Variants in GABRR2 observed in about 807,000 individuals in gnomAD.
GABRR2 encodes the protein gamma-aminobutyric acid receptor subunit rho-2.
A neutral mutation model predicts 47.0 loss-of-function variants in GABRR2; 36 were observed. That is an observed-to-expected ratio of 0.77 (90% confidence interval 0.59 to 1.01). The LOEUF is 1.01. Ranked by LOEUF, GABRR2 falls within the 50% of genes least tolerant of loss-of-function variation. GABRR2 has a pLI of 0.00. For synonymous variants in GABRR2, 204 were observed against 227.5 expected (o/e 0.90, Z 0.93); for missense variants, 587 against 594.6 (o/e 0.99, Z 0.13).
chr6:89,272,745 C>T (rs1053489798), intron 2 of GABRR2, among the ~76,000 whole-genome samples: 5 of 152,100 alleles, frequency 3.3e-5, no homozygotes, highest in Admixed American at 6.5e-5. Flanking sequence ...GTGGTCTGAG[C>T]GGGGAGAACC....
chr6:89,286,362 A>G (rs914558070), intron 2 of GABRR2, among the ~76,000 whole-genome samples: 5 of 152,180 alleles, frequency 3.3e-5, no homozygotes, highest in Non-Finnish European at 7.3e-5. Flanking sequence ...ACTATAACTA[A>G]CAACACTGTA....
intron 2 of GABRR2, among the ~76,000 whole-genome samples, chr6:89,286,323 G>A (rs9444684): frequency 0.012 from 1,804 of 152,270 alleles, 22 homozygotes; most frequent in African/African-American, 0.031. Context: ...AGGTGAGTAC[G>A]TTCTGGTGAT....
chr6:89,287,575 G>T (rs747407833), intron 2 of GABRR2, among the ~76,000 whole-genome samples: 1 of 152,218 alleles, frequency 6.6e-6, no homozygotes, highest in African/African-American at 2.4e-5. Flanking sequence ...CACTGGCTGC[G>T]CTGGCCAGGC....
rs558232145 is a variant in GABRR2, at chr6:89,275,417, G to T, written c.221-3695C>A. On this transcript the variant is annotated intron_variant, in intron 2 of 8. Coordinates refer to ENST00000402938, the MANE Select transcript of GABRR2 (RefSeq NM_002043.5). Reference sequence around the variant, plus strand: ...GCCTCCCAAGTAGCTGGGATTACAGGTGTGCACCACCACACCTGGCTAATT... The same window carrying T: ...GCCTCCCAAGTAGCTGGGATTACAGTTGTGCACCACCACACCTGGCTAATT... Among the ~76,000 whole-genome samples, 101 of 152,168 alleles carry T rather than the reference G, an allele frequency of 6.6e-4. 1 individual carries two copies. The highest frequency in any genetic ancestry group is 7.5e-4 in the Non-Finnish European group (51 of 68,004).
intron 2 of GABRR2, among the ~76,000 whole-genome samples, chr6:89,293,136 C>A (rs1032107224): frequency 6.6e-6 from 1 of 152,008 alleles, no homozygotes; most frequent in Non-Finnish European, 1.5e-5. Flanking sequence ...AAAGGAAATT[C>A]TATCACATAC....
intron 2 of GABRR2, among the ~76,000 whole-genome samples, chr6:89,292,822 T>TATATATCGTATATACG (rs1554198131): frequency 6.1e-5 from 1 of 16,310 alleles, no homozygotes; most frequent in Non-Finnish European, 1.0e-4. Context: ...CGATATATCG[T>TATATATCGTATATACG]ATATATCGTA....
chr6:89,262,028 C>A lies in GABRR2; in HGVS notation c.1086+2384G>T, dbSNP rs1249130128. 2.7e-3 allele frequency among the ~76,000 whole-genome samples: 351 copies of A among 130,438 alleles called. 1 individual carries two copies. The highest frequency in any genetic ancestry group is 8.7e-3 in the African/African-American group (310 of 35,644). The allele number at this position is 130,438 out of a possible 152,430, so 85.6% of individuals were successfully genotyped here. A position where few individuals can be genotyped will look rare whatever the true frequency, so the allele number is the denominator to read the frequency against. On this transcript the variant is annotated intron_variant, in intron 8 of 8. Coordinates refer to ENST00000402938, the MANE Select transcript of GABRR2 (RefSeq NM_002043.5). ...TGGGTGACAGAGTCAGACCCTGTCTCAAAAAAAAAAAAAAAAAATTTGCAG... is the reference window on the plus strand; with the variant it reads ...TGGGTGACAGAGTCAGACCCTGTCTAAAAAAAAAAAAAAAAAAATTTGCAG...
intron 6 of GABRR2, among the ~76,000 whole-genome samples, chr6:89,266,843 C>T (rs1289313385): frequency 6.6e-6 from 1 of 152,084 alleles, no homozygotes; most frequent in Non-Finnish European, 1.5e-5. Context: ...TGAATAGAGA[C>T]AGGGTCTCGC....
At chr6:89,302,550 C>A in intron 1 of GABRR2, 2 of 932,898 alleles carry the variant, frequency 2.1e-6, no homozygotes, top group East Asian at 7.8e-5. Context: ...ACATGGGTGC[C>A]CTTCCCCTGC....
chr6:89,293,824 G>A (rs966276492), intron 2 of GABRR2, among the ~76,000 whole-genome samples: 17 of 152,136 alleles, frequency 1.1e-4, no homozygotes, highest in Non-Finnish European at 2.5e-4. Flanking sequence ...CAGCATTGCA[G>A]CATTTCTCCC....
At chr6:89,287,016 G>T (rs891978070) in intron 2 of GABRR2, among the ~76,000 whole-genome samples, 4 of 152,160 alleles carry the variant, frequency 2.6e-5, no homozygotes, top group Non-Finnish European at 5.9e-5. Flanking sequence ...GAAGACGAGA[G>T]GCAGAGCCAG....
rs369596214 is a variant in GABRR2 at position 89,264,447 on chromosome 6, C to T, written c.1051G>A (p.Val351Met). ...AGCTTCCGTTCCTTGCGCTCCTGCA[C>T]GGTGGTCAGGTAGTTGACAGCCGCA... ...EYAAVNYLTT[V>M]QERKERKLRE... The change falls in exon 8 of 9, where the codon GTG (valine) becomes ATG (methionine). Residue 351 changes from valine (V) to methionine (M), a missense_variant. Transcript: ENST00000402938. 2.9e-5 allele frequency: 46 copies of T among 1,613,892 alleles called. No homozygotes were observed. Among genetic ancestry groups the T allele is most frequent in the Non-Finnish European group, 3.9e-5 (46 of 1,179,956 alleles).
At chr6:89,311,399 T>TAAA (rs1767679789) in intron 1 of GABRR2, among the ~76,000 whole-genome samples, 1 of 152,088 alleles carries the variant, frequency 6.6e-6, no homozygotes, top group African/African-American at 2.4e-5. Flanking sequence ...GGCCCAGAGT[T>TAAA]TTTTTAAGAG....
In GABRR2 at chr6:89,264,620, G is replaced by A. The variant is rs752037524; in HGVS notation, c.890-12C>T. ...CACCGTCGTGATACCTGCAACACCC[G>A]GCCTTAGTTGGGCTGCTGACAGCGG... On this transcript the variant is annotated splice_polypyrimidine_tract_variant and intron_variant, in intron 7 of 8. Coordinates refer to ENST00000402938, the MANE Select transcript of GABRR2 (RefSeq NM_002043.5). The A allele has an allele frequency of 5.5e-5, 89 of 1,613,446 alleles. 2 individuals carry two copies. Among genetic ancestry groups the A allele is most frequent in the South Asian group, 4.7e-4 (43 of 91,014 alleles).
intron 8 of GABRR2, among the ~76,000 whole-genome samples, chr6:89,261,742 G>A (rs1024186659): frequency 1.3e-5 from 2 of 152,058 alleles, no homozygotes; most frequent in African/African-American, 4.8e-5. Context: ...GATAAACAAC[G>A]TTAAAACAAT....
At chr6:89,278,828 T>G (rs1301618842) in intron 2 of GABRR2, among the ~76,000 whole-genome samples, 3 of 152,186 alleles carry the variant, frequency 2.0e-5, no homozygotes, top group African/African-American at 7.2e-5. Flanking sequence ...GACCAAGATC[T>G]AAGGTCAAAT....
At chr6:89,301,342 C>G (rs1456993215) in intron 1 of GABRR2, among the ~76,000 whole-genome samples, 1 of 152,118 alleles carries the variant, frequency 6.6e-6, no homozygotes, top group Non-Finnish European at 1.5e-5. Context: ...TCTCACCACT[C>G]CTATTCAACA....
chr6:89,269,044 ACCC>A lies in GABRR2; in HGVS notation c.476_478del (p.Arg159_Val160delinsMet), dbSNP rs763874884. Reference sequence around the variant, plus strand: ...GTACAGCACGTGTCCATCTGGGAACACCCTCAGCATGATGTTGTCAGTGGTGGT... The same window carrying A: ...GTACAGCACGTGTCCATCTGGGAACATCAGCATGATGTTGTCAGTGGTGGT... On this transcript the variant is annotated inframe_deletion, in exon 4 of 9. Coordinates refer to ENST00000402938, the MANE Select transcript of GABRR2 (RefSeq NM_002043.5). 3 of 1,613,996 alleles carry A rather than the reference ACCC, an allele frequency of 1.9e-6. No homozygotes were observed. The South Asian group carries it at 3.3e-5, about 18-fold the overall frequency.
intron 8 of GABRR2, among the ~76,000 whole-genome samples, chr6:89,260,860 C>G (rs138917409): frequency 1.1e-3 from 175 of 152,284 alleles, no homozygotes; most frequent in African/African-American, 4.1e-3. Context: ...GGAAACATTT[C>G]AATACTATGA....
Sources: gnomAD v4.1 joint callset for allele counts (sites outside exome capture counted in the v4.1 genomes callset) on GRCh38, gnomAD v4.1.1 for gene constraint, MANE v1.5 for transcripts, NCBI Gene and HGNC (gene_info 2026-07-23, HGNC 2026-07-21) for gene names.